NBAS: variants seen among roughly 807,000 people sequenced by gnomAD.
NBAS encodes NAG/BC035112 fusion.
Under a neutral mutation model 302.5 loss-of-function variants are expected in NBAS, and 219 were observed. That is an observed-to-expected ratio of 0.72 (90% confidence interval 0.65 to 0.81). The LOEUF (loss-of-function observed/expected upper bound fraction) is 0.81. Ranked by LOEUF, NBAS falls within the 30% of genes least tolerant of loss-of-function variation. The pLI, the probability that NBAS is intolerant of heterozygous loss-of-function variation, is 0.00. For synonymous variants in NBAS, 1,118 were observed against 1,021.6 expected (o/e 1.09, Z -1.80); for missense variants, 2,932 against 2,841.6 (o/e 1.03, Z -0.72).
the NBAS span, among the ~76,000 whole-genome samples, chr2:15,085,465 G>A: frequency 6.6e-6 from 1 of 152,130 alleles, no homozygotes; most frequent in Non-Finnish European, 1.5e-5. Flanking sequence ...CAGTGCTGGG[G>A]CAATGTGGGG....
At chr2:15,143,655 G>A in the NBAS span, among the ~76,000 whole-genome samples, 1 of 152,070 alleles carries the variant, frequency 6.6e-6, no homozygotes, top group Non-Finnish European at 1.5e-5. Flanking sequence ...TCGTATGATG[G>A]TTAATAATGA....
intron 50 of NBAS, among the ~76,000 whole-genome samples, chr2:15,185,719 T>C (rs1480438336): frequency 6.6e-6 from 1 of 152,170 alleles, no homozygotes; most frequent in Non-Finnish European, 1.5e-5. Context: ...TTTTGTAGAA[T>C]AATTGTGTCA....
rs1372073221 is a variant in NBAS at position 15,238,492 on chromosome 2, G to C, written c.5919C>G (p.Ile1973Met). ...AHLETLSHSF[I>M]LSLKNSEQET... ...CCTGCTCACTATTCTTCAGAGAAAG[G>C]ATGAAGCTGTGGCTCAGGGTTTCCA... Residue 1973 changes from isoleucine (I) to methionine (M), a missense_variant, in exon 45 of 52, where the codon ATC becomes ATG. Physicochemically the swap from Ile to Met is conservative, Grantham distance 10. Transcript: ENST00000281513. 1.2e-6 allele frequency: 2 copies of C among 1,614,020 alleles called. No homozygotes were observed. Among genetic ancestry groups the C allele is most frequent in the African/African-American group, 2.7e-5 (2 of 74,914 alleles).
chr2:14,934,186 T>C, the NBAS span, among the ~76,000 whole-genome samples: 1 of 152,182 alleles, frequency 6.6e-6, no homozygotes, highest in Non-Finnish European at 1.5e-5. Context: ...TCCACCCCAT[T>C]TTCTCAACAC....
chr2:15,273,700 G>GTGAT (rs1206936468), intron 44 of NBAS, among the ~76,000 whole-genome samples: 1 of 152,136 alleles, frequency 6.6e-6, no homozygotes, highest in African/African-American at 2.4e-5. Flanking sequence ...CAGCTGATAA[G>GTGAT]TGATAGGTTC....
At chr2:14,980,461 AGG>A in the NBAS span, among the ~76,000 whole-genome samples, 15 of 152,346 alleles carry the variant, frequency 9.8e-5, no homozygotes, top group Admixed American at 3.9e-4. Context: ...CAGACAAGCA[AGG>A]GGATTATGAT....
At chr2:15,239,401 G>GTATATATA (rs3085556) in intron 44 of NBAS, among the ~76,000 whole-genome samples, 1 of 144,658 alleles carries the variant, frequency 6.9e-6, no homozygotes, top group Admixed American at 6.9e-5. Flanking sequence ...GTGTGTGTGT[G>GTATATATA]TATATATATA....
chr2:15,130,576 A>G, the NBAS span, among the ~76,000 whole-genome samples: 53 of 152,384 alleles, frequency 3.5e-4, no homozygotes, highest in African/African-American at 1.3e-3. Context: ...ACACAGGAGA[A>G]TATGAGCGTT....
intron 12 of NBAS, among the ~76,000 whole-genome samples, chr2:15,482,048 A>AT (rs1011407708): frequency 6.6e-5 from 10 of 152,182 alleles, no homozygotes; most frequent in African/African-American, 2.2e-4. Flanking sequence ...CCATTAGGCC[A>AT]TACCTTTTTG....
At chr2:14,968,731 CTTATA>C in the NBAS span, among the ~76,000 whole-genome samples, 33 of 152,190 alleles carry the variant, frequency 2.2e-4, no homozygotes, top group Admixed American at 2.2e-3. Context: ...TTGGAACTCT[CTTATA>C]TTGCTATGAC....
intron 24 of NBAS, among the ~76,000 whole-genome samples, chr2:15,416,698 C>T (rs373666176): frequency 5.3e-5 from 8 of 150,602 alleles, no homozygotes; most frequent in Admixed American, 4.7e-4. Flanking sequence ...CCCAGCTACT[C>T]GGGAGGCTGA....
chr2:15,467,825 A>G (rs1679790338), intron 17 of NBAS, 21 bp from the exon 18 acceptor site: 1 of 1,544,488 alleles, frequency 6.5e-7, no homozygotes, highest in African/African-American at 1.4e-5. Flanking sequence ...AAAAGAACAA[A>G]TATATTTTCA....
At chr2:15,528,336 T>A (rs951924351) in intron 9 of NBAS, among the ~76,000 whole-genome samples, 2 of 151,082 alleles carry the variant, frequency 1.3e-5, no homozygotes, top group African/African-American at 4.8e-5. Flanking sequence ...GCTTGCATTC[T>A]AGTTTACATA....
the NBAS span, among the ~76,000 whole-genome samples, chr2:14,797,187 A>T: frequency 0.4 from 59,760 of 151,200 alleles, 12,284 homozygotes; most frequent in African/African-American, 0.5. Context: ...ACCTTCGGGT[A>T]GGCGTTGTCC....
At chr2:15,523,455 T>TC (rs1662773793) in intron 9 of NBAS, among the ~76,000 whole-genome samples, 1 of 92,862 alleles carries the variant, frequency 1.1e-5, no homozygotes, top group African/African-American at 3.7e-5. Context: ...GTATTACAAG[T>TC]AATCTAGAGA....
At chr2:15,007,773 A>G in the NBAS span, among the ~76,000 whole-genome samples, 1 of 152,338 alleles carries the variant, frequency 6.6e-6, no homozygotes, top group South Asian at 2.1e-4. Flanking sequence ...CCATTAAGTA[A>G]CAAAATGTTT....
Position 15,218,916 on chromosome 2 carries a change from C to T in NBAS, c.6289G>A (p.Ala2097Thr). 7 of 1,614,256 alleles carry T rather than the reference C, an allele frequency of 4.3e-6. No homozygotes were observed. Among genetic ancestry groups the T allele is most frequent in the Admixed American group, 1.7e-5 (1 of 60,028 alleles). The change falls in exon 48 of 52, where the codon GCT (alanine) becomes ACT (threonine). Residue 2097 changes from alanine (A) to threonine (T), a missense_variant. By Grantham distance (58) the Ala-to-Thr change is moderately conservative. Coordinates refer to ENST00000281513, the MANE Select transcript of NBAS (RefSeq NM_015909.4). ...DLLEWLRPFC[A>T]DDAWPVRPRI... ...GGCCGCACCGGCCAGGCGTCATCAG[C>T]ACAGAAAGGCCGCAGCCACTCCAGC...
chr2:14,779,411 G>A, the NBAS span, among the ~76,000 whole-genome samples: 1 of 152,118 alleles, frequency 6.6e-6, no homozygotes, highest in Non-Finnish European at 1.5e-5. Flanking sequence ...TGAGTGGAGT[G>A]CAAAGCCCAA....
At chr2:15,240,218 C>G (rs995805700) in intron 44 of NBAS, among the ~76,000 whole-genome samples, 1 of 151,956 alleles carries the variant, frequency 6.6e-6, no homozygotes, top group Non-Finnish European at 1.5e-5. Flanking sequence ...AAAAGCAGGA[C>G]TAGGCTGAAA....
Sources: gnomAD v4.1 joint callset for allele counts (sites outside exome capture counted in the v4.1 genomes callset) on GRCh38, gnomAD v4.1.1 for gene constraint, MANE v1.5 for transcripts, NCBI Gene and HGNC (gene_info 2026-07-23, HGNC 2026-07-21) for gene names.